Variants in NUDT9 observed in about 807,000 individuals in gnomAD.
The protein encoded by NUDT9 is nudix hydrolase 9.
Under a neutral mutation model 41.0 loss-of-function variants are expected in NUDT9, and 31 were observed. That is an observed-to-expected ratio of 0.76 (90% CI 0.57 to 1.02). The LOEUF (loss-of-function observed/expected upper bound fraction) is 1.02. NUDT9 is among the 50% of genes least tolerant of loss of function. The pLI, the probability that NUDT9 is intolerant of heterozygous loss-of-function variation, is 0.00. For missense variants in NUDT9, 380 were observed against 431.4 expected, an observed-to-expected ratio of 0.88 and a Z score of 1.06; for synonymous variants, 146 against 147.6, an observed-to-expected ratio of 0.99 and a Z score of 0.08.
Position 87,457,917 on chromosome 4 carries a change from A to C in NUDT9, c.949A>C (p.Lys317Gln). The change falls in exon 8 of 8, where the codon AAA becomes CAA. Residue 317 changes from lysine to glutamine, a missense_variant. Coordinates refer to ENST00000302174, the MANE Select transcript of NUDT9 (RefSeq NM_024047.5). ...GKVKWVDINDKLKLYASHSQF... is the reference protein window; with the variant it reads ...GKVKWVDINDQLKLYASHSQF... The stretch of plus-strand genomic sequence containing the variant: ...AGTGAAATGGGTGGACATCAATGAT[A>C]AACTGAAGCTTTATGCCAGTCACTC... The C allele has an allele frequency of 6.2e-7, 1 of 1,609,684 alleles. No individual in the cohort carries two copies. The highest frequency in any genetic ancestry group is 8.5e-7 in the Non-Finnish European group (1 of 1,178,418).
rs1172101437 is a variant in NUDT9 at position 87,438,369 on chromosome 4, C to T, written c.440C>T (p.Pro147Leu). ...NGLYEIENGRPRNPAGRTGLV... is the reference protein window; with the variant it reads ...NGLYEIENGRLRNPAGRTGLV... ...CTGTATGAGATTGAAAATGGAAGACCGAGGTAGGTACTGGGAGCAGAGCAT... is the reference window on the plus strand; with the variant it reads ...CTGTATGAGATTGAAAATGGAAGACTGAGGTAGGTACTGGGAGCAGAGCAT... The change falls in exon 3 of 8, where the codon CCG becomes CTG. Residue 147 changes from proline (P) to leucine (L), a missense_variant. Transcript: ENST00000302174. 7.6e-6 allele frequency: 12 copies of T among 1,570,698 alleles called. No homozygotes were observed. The highest frequency in any genetic ancestry group is 6.7e-5 in the South Asian group (6 of 89,976).
chr4:87,456,695 C>T (rs1723005572), intron 7 of NUDT9, among the ~76,000 whole-genome samples: 1 of 152,200 alleles, frequency 6.6e-6, no homozygotes, highest in South Asian at 2.1e-4. Context: ...GTAGGCTTCT[C>T]TCCCTGGTCA....
chr4:87,424,313 G>A (rs1313619157), intron 1 of NUDT9, among the ~76,000 whole-genome samples: 1 of 146,386 alleles, frequency 6.8e-6, no homozygotes, highest in Non-Finnish European at 1.5e-5. Context: ...AGGCTGGAGC[G>A]CAGTGGCGCG....
chr4:87,454,404 A>G lies in NUDT9; in HGVS notation c.823A>G (p.Thr275Ala). The change falls in exon 7 of 8, where the codon ACT (threonine) becomes GCT (alanine). Residue 275 changes from threonine (T) to alanine (A), a missense_variant. Physicochemically the swap from Thr to Ala is moderately conservative, Grantham distance 58. Transcript: ENST00000302174. ...YKGYVDDPRN[T>A]DNAWMETEAV... ...GGGATATGTTGATGATCCTCGAAAC[A>G]CTGATAATGCATGGATGGAGACAGA... 1 of 1,612,546 alleles carries G rather than the reference A, an allele frequency of 6.2e-7. No individual in the cohort carries two copies. Among genetic ancestry groups the G allele is most frequent in the South Asian group, 1.1e-5 (1 of 91,064 alleles).
chr4:87,454,824 G>A (rs1378312375), intron 7 of NUDT9, among the ~76,000 whole-genome samples: 2 of 152,086 alleles, frequency 1.3e-5, no homozygotes, highest in East Asian at 1.9e-4. Context: ...AAGGAAATGG[G>A]ATTTATATCT....
intron 1 of NUDT9, among the ~76,000 whole-genome samples, chr4:87,426,569 C>T (rs1391622256): frequency 1.3e-5 from 2 of 151,954 alleles, no homozygotes; most frequent in Admixed American, 6.6e-5. Context: ...GCCACCATGC[C>T]TAGCTAATTT....
chr4:87,422,591 G>A lies in NUDT9; in HGVS notation c.-315G>A. 4.0e-6 allele frequency: 1 copy of A among 252,850 alleles called. No individual in the cohort carries two copies. The allele number at this position is 252,850 out of a possible 1,614,324, so 15.7% of individuals were successfully genotyped here. ...TTGCTTTGCGGCGCGGCCGTAAAGC[G>A]CCATTACGCAGAGAGAAAGTTACGA... On this transcript the variant is annotated 5_prime_UTR_variant, in exon 1 of 8. Transcript: ENST00000302174.
chr4:87,441,198 T>A (rs1055149721), intron 3 of NUDT9, among the ~76,000 whole-genome samples: 1 of 152,212 alleles, frequency 6.6e-6, no homozygotes, highest in African/African-American at 2.4e-5. Flanking sequence ...ATTTAAAGAA[T>A]GTTTACTGAA....
At chr4:87,447,746 T>C (rs1722524144) in intron 4 of NUDT9, among the ~76,000 whole-genome samples, 1 of 152,058 alleles carries the variant, frequency 6.6e-6, no homozygotes, top group South Asian at 2.1e-4. Context: ...GGCATAAAGA[T>C]TGAGAAGCAG....
chr4:87,443,230 C>T (rs1722291137), intron 4 of NUDT9, among the ~76,000 whole-genome samples: 1 of 151,248 alleles, frequency 6.6e-6, no homozygotes, highest in Admixed American at 6.6e-5. Flanking sequence ...ACCAAAACAT[C>T]ATTATGTGGC....
intron 1 of NUDT9, among the ~76,000 whole-genome samples, chr4:87,426,203 G>C (rs1398813551): frequency 6.6e-6 from 1 of 152,190 alleles, no homozygotes; most frequent in Non-Finnish European, 1.5e-5. Context: ...CTTCCAGAAG[G>C]ATCTACTGGT....
intron 7 of NUDT9, among the ~76,000 whole-genome samples, chr4:87,457,236 ATTTT>A (rs34596563): frequency 7.9e-6 from 1 of 126,646 alleles, no homozygotes. Flanking sequence ...GATAATTTAA[ATTTT>A]TTTTTTTTTT....
At chr4:87,429,212 C>T (rs575838745) in intron 1 of NUDT9, among the ~76,000 whole-genome samples, 2 of 152,100 alleles carry the variant, frequency 1.3e-5, no homozygotes, top group Non-Finnish European at 2.9e-5. Flanking sequence ...AGTGCAGTGG[C>T]GTGATCATGG....
chr4:87,441,874 G>A lies in NUDT9; in HGVS notation c.489G>A (p.Gly163=), dbSNP rs546726597. 1,148 of 1,613,534 alleles carry A rather than the reference G, an allele frequency of 7.1e-4. 16 individuals are homozygous for A. In the South Asian group the frequency reaches 0.012, roughly 16 times the overall value. Residue 163 remains glycine (G), a synonymous_variant, in exon 4 of 8, where the codon GGG becomes GGA. Coordinates refer to ENST00000302174, the MANE Select transcript of NUDT9 (RefSeq NM_024047.5). The part of the protein sequence containing the change: ...RTGLVGRGLL[G]RWGPNHAADP... ...GACTGGTGGGCCGGGGGCTTTTGGG[G>A]CGATGGGGCCCAAATCACGCTGCAG...
At chr4:87,454,274 C>T in intron 6 of NUDT9, 97 bp from the exon 7 acceptor site, 1 of 687,668 alleles carries the variant, frequency 1.5e-6, no homozygotes, top group East Asian at 2.6e-5. Flanking sequence ...TGTTGGGCAA[C>T]AGGATATTTA....
intron 7 of NUDT9, among the ~76,000 whole-genome samples, chr4:87,454,890 CA>C (rs1286109988): frequency 1.3e-5 from 2 of 151,910 alleles, no homozygotes; most frequent in African/African-American, 4.8e-5. Flanking sequence ...AAAGCAATAA[CA>C]AAAAATTCCA....
intron 5 of NUDT9, among the ~76,000 whole-genome samples, chr4:87,450,379 T>A (rs1009529609): frequency 8.0e-5 from 3 of 37,692 alleles, no homozygotes; most frequent in Non-Finnish European, 1.8e-4. Context: ...TTTCTTTTTC[T>A]TTTTTTTTTT....
intron 1 of NUDT9, among the ~76,000 whole-genome samples, chr4:87,426,326 C>G (rs1486171060): frequency 2.0e-5 from 3 of 152,010 alleles, no homozygotes; most frequent in Admixed American, 1.3e-4. Context: ...TCTAAGACAG[C>G]TTGCCTAGGT....
chr4:87,429,503 A>G (rs1721584381), intron 1 of NUDT9, among the ~76,000 whole-genome samples: 1 of 152,098 alleles, frequency 6.6e-6, no homozygotes, highest in South Asian at 2.1e-4. Context: ...CCCTAATTGC[A>G]TAAATTTGAT....
Sources: gnomAD v4.1 joint callset for allele counts (sites outside exome capture counted in the v4.1 genomes callset) on GRCh38, gnomAD v4.1.1 for gene constraint, MANE v1.5 for transcripts, NCBI Gene and HGNC (gene_info 2026-07-23, HGNC 2026-07-21) for gene names.